ATP11A: variants seen among roughly 807,000 people sequenced by gnomAD.
ATP11A encodes ATPase phospholipid transporting 11A.
In ATP11A, 81 loss-of-function variants were observed where a neutral mutation model predicts 154.4. The ratio of observed to expected loss-of-function variants is 0.52; its 90% CI spans 0.44 to 0.63. ATP11A has a LOEUF of 0.63. Ranked by LOEUF, ATP11A falls within the 30% of genes least tolerant of loss-of-function variation. The pLI is 0.00. For missense variants in ATP11A, 1,316 were observed against 1,474.3 expected (o/e 0.89, Z 1.76); for synonymous variants, 623 against 585.9 (o/e 1.06, Z -0.91).
At chr13:112,765,885 C>T (rs1009347883) in intron 1 of ATP11A, among the ~76,000 whole-genome samples, 2 of 152,260 alleles carry the variant, frequency 1.3e-5, no homozygotes, top group Non-Finnish European at 2.9e-5. Flanking sequence ...CCCCTCACAG[C>T]GCTGAGCAGG....
At chr13:112,718,206 G>A (rs113084609) in intron 1 of ATP11A, among the ~76,000 whole-genome samples, 28 of 150,872 alleles carry the variant, frequency 1.9e-4, no homozygotes, top group African/African-American at 6.6e-4. Context: ...TTGCTTTTCC[G>A]TAAAGAACAC....
intron 1 of ATP11A, among the ~76,000 whole-genome samples, chr13:112,734,635 A>C (rs1481459300): frequency 6.6e-6 from 1 of 152,192 alleles, no homozygotes; most frequent in African/African-American, 2.4e-5. Flanking sequence ...CAATGCTTTC[A>C]CACTCCTGTA....
chr13:112,753,723 TTTATTA>T lies in ATP11A; in HGVS notation c.40-31408_40-31403del, dbSNP rs2076751652. Among the ~76,000 whole-genome samples the T allele has an allele frequency of 6.6e-6, 1 of 152,040 alleles. No individual in the cohort carries two copies. Among genetic ancestry groups the T allele is most frequent in the South Asian group, 2.1e-4 (1 of 4,820 alleles). On this transcript the variant is annotated intron_variant, in intron 1 of 29. Coordinates refer to ENST00000375645, the MANE Select transcript of ATP11A (RefSeq NM_015205.3). This position sits in a 1 kb window ranked among gnomAD's most constrained non-coding sequence, Gnocchi z 4.1. ...TTTTGTGTGCCTGATTCCTGACATATTTATTATTAATAATAATGGAGCAATAAAGTG... is the reference window on the plus strand; with the variant it reads ...TTTTGTGTGCCTGATTCCTGACATATTTAATAATAATGGAGCAATAAAGTG...
rs1443603607 is a variant in ATP11A at position 112,882,880 on chromosome 13, C to G, written c.*1014C>G. 2.5e-6 allele frequency: 1 copy of G among 398,774 alleles called. No homozygotes were observed. The highest frequency in any genetic ancestry group is 2.1e-5 in the African/African-American group (1 of 48,598). 24.7% of individuals were successfully genotyped at this position (398,774 alleles called of 1,614,324 possible). ...TCAACACCAAGGTGGTGTTCGTGCA[C>G]CAGAACCTGTCTCGGGCTGACGGGG... On this transcript the variant is annotated 3_prime_UTR_variant, in exon 30 of 30. Transcript: ENST00000375645. The surrounding 1 kb of genome is among the most constrained non-coding windows in gnomAD (Gnocchi z 5.1).
Position 112,785,930 on chromosome 13 carries a change from G to T in ATP11A, c.162+673G>T, listed in dbSNP as rs1002632188. ...GCTTTCCAGGTAATGCGGAACGCAC[G>T]TGCCTGCGTTCAGACTCCATTTATC... is the stretch of plus-strand genomic sequence containing the variant. On this transcript the variant is annotated intron_variant, in intron 2 of 29. Transcript: ENST00000375645. The surrounding 1 kb of genome is among the most constrained non-coding windows in gnomAD (Gnocchi z 4.8). Among the ~76,000 whole-genome samples the T allele has an allele frequency of 6.6e-6, 1 of 151,958 alleles. No individual in the cohort carries two copies. The highest frequency in any genetic ancestry group is 1.5e-5 in the Non-Finnish European group (1 of 67,982).
chr13:112,694,833 CT>C (rs1885609284), intron 1 of ATP11A, among the ~76,000 whole-genome samples: 3 of 152,170 alleles, frequency 2.0e-5, no homozygotes, highest in Admixed American at 1.3e-4. Context: ...TCAACACAAA[CT>C]GTTATAAGTT....
chr13:112,773,605 C>T (rs1337253774), intron 1 of ATP11A, among the ~76,000 whole-genome samples: 1 of 152,340 alleles, frequency 6.6e-6, no homozygotes, highest in East Asian at 1.9e-4. Context: ...ATGGGGGTCC[C>T]AGGAAAGGCC....
chr13:112,837,336 T>C (rs2079263911), intron 16 of ATP11A, among the ~76,000 whole-genome samples: 1 of 152,196 alleles, frequency 6.6e-6, no homozygotes, highest in Non-Finnish European at 1.5e-5. Flanking sequence ...ATCTGTCCTT[T>C]CCACGGACGG....
At chr13:112,771,960 G>T (rs1482808325) in intron 1 of ATP11A, among the ~76,000 whole-genome samples, 4 of 152,208 alleles carry the variant, frequency 2.6e-5, no homozygotes, top group African/African-American at 9.7e-5. Context: ...GTCTTACGAG[G>T]AGGACTCAGG....
intron 1 of ATP11A, among the ~76,000 whole-genome samples, chr13:112,782,274 T>C (rs1410791399): frequency 6.6e-6 from 1 of 152,184 alleles, no homozygotes; most frequent in Non-Finnish European, 1.5e-5. Context: ...GGGCTCGCTG[T>C]GGCATGGGCA....
Position 112,831,355 on chromosome 13 carries a change from TTGC to T in ATP11A, c.1222-17_1222-15del. ...CGGGCCTCCCTCAGAGCGCCCTGAC[TTGC>T]TGTGCCCTGCCCGCAGGTGGAGTAC... is the stretch of plus-strand genomic sequence containing the variant. On this transcript the variant is annotated splice_polypyrimidine_tract_variant and intron_variant, in intron 12 of 29. Coordinates refer to ENST00000375645, the MANE Select transcript of ATP11A (RefSeq NM_015205.3). 1.9e-6 allele frequency: 3 copies of T among 1,610,038 alleles called. No individual in the cohort carries two copies. The highest frequency in any genetic ancestry group is 2.5e-6 in the Non-Finnish European group (3 of 1,176,686).
rs2080895959 is a variant in ATP11A, at chr13:112,881,914, G to A, written c.*48G>A. 2.9e-6 allele frequency: 4 copies of A among 1,367,652 alleles called. No individual in the cohort carries two copies. The highest frequency in any genetic ancestry group is 1.5e-5 in the African/African-American group (1 of 67,724). The allele number at this position is 1,367,652 out of a possible 1,614,324, so 84.7% of individuals were successfully genotyped here. A position where few individuals can be genotyped will look rare whatever the true frequency, so the allele number is the denominator to read the frequency against. ...AGAGCACCTGTCCCTCGGCCGCCTG[G>A]TACAGCTCCCACTCTCAGCAGGTGA... On this transcript the variant is annotated 3_prime_UTR_variant, in exon 30 of 30. Transcript: ENST00000375645.
chr13:112,881,340 G>A, intron 29 of ATP11A: 1 of 1,011,898 alleles, frequency 9.9e-7, no homozygotes, highest in South Asian at 4.2e-5. Context: ...TCAAGGGGAT[G>A]CAAGCTGGGC....
Position 112,807,812 on chromosome 13 carries a change from C to T in ATP11A, c.333+1519C>T, listed in dbSNP as rs1437360134. ...GCAGAGGCTGCAGACAGGAAGGAGA[C>T]CCCTGAGCCTCTCAAGGGGAGCAGA... On this transcript the variant is annotated intron_variant, in intron 4 of 29. Coordinates refer to ENST00000375645, the MANE Select transcript of ATP11A (RefSeq NM_015205.3). This position sits in a 1 kb window ranked among gnomAD's most constrained non-coding sequence, Gnocchi z 4.5. Among the ~76,000 whole-genome samples the T allele has an allele frequency of 6.6e-6, 1 of 152,116 alleles. No individual in the cohort carries two copies. Among genetic ancestry groups the T allele is most frequent in the Non-Finnish European group, 1.5e-5 (1 of 68,030 alleles).
chr13:112,705,202 G>T (rs9604404), intron 1 of ATP11A, among the ~76,000 whole-genome samples: 12 of 152,160 alleles, frequency 7.9e-5, no homozygotes, highest in Non-Finnish European at 1.2e-4. Context: ...TGGAGCGACT[G>T]TCATGGTGGC....
chr13:112,756,391 G>C (rs192153711), intron 1 of ATP11A, among the ~76,000 whole-genome samples: 1 of 152,258 alleles, frequency 6.6e-6, no homozygotes, highest in East Asian at 1.9e-4. Context: ...TCTCACCTGC[G>C]TGTTGGGCTT....
intron 1 of ATP11A, among the ~76,000 whole-genome samples, chr13:112,729,204 G>A (rs570272113): frequency 3.3e-5 from 5 of 152,310 alleles, no homozygotes; most frequent in South Asian, 2.1e-4. Flanking sequence ...CTCTCCACAC[G>A]TCTGGTTGGC....
chr13:112,853,229 G>GCTCTCTTTCTCT (rs2079822758), intron 18 of ATP11A, among the ~76,000 whole-genome samples: 1 of 151,482 alleles, frequency 6.6e-6, no homozygotes, highest in Non-Finnish European at 1.5e-5. Flanking sequence ...TCTCTTGCTC[G>GCTCTCTTTCTCT]CTCTCTTTCT....
At chr13:112,818,629 C>G (rs1479482970) in intron 6 of ATP11A, among the ~76,000 whole-genome samples, 1 of 152,218 alleles carries the variant, frequency 6.6e-6, no homozygotes, top group Non-Finnish European at 1.5e-5. Flanking sequence ...CCTGCTGGTG[C>G]TCACAGATGC....
Sources: gnomAD v4.1 joint callset for allele counts (sites outside exome capture counted in the v4.1 genomes callset) on GRCh38, gnomAD v4.1.1 for gene constraint, Gnocchi (gnomAD v3.1) non-coding constraint, MANE v1.5 for transcripts, NCBI Gene and HGNC (gene_info 2026-07-23, HGNC 2026-07-21) for gene names.